Variants in NOTCH2 observed in about 807,000 individuals in gnomAD.
NOTCH2 encodes notch receptor 2, also known as neurogenic locus notch homolog protein 2.
A neutral mutation model predicts 235.8 loss-of-function variants in NOTCH2; 29 were observed. That is an observed-to-expected ratio of 0.12 (90% confidence interval 0.09 to 0.17). NOTCH2 has a LOEUF of 0.17. NOTCH2 is among the 10% of genes least tolerant of loss of function. NOTCH2 has a pLI of 1.00. For missense variants in NOTCH2, 2,285 were observed against 3,150.2 expected (o/e 0.73, Z 6.57); for synonymous variants, 1,086 against 1,141.5 (o/e 0.95, Z 0.98).
Position 119,925,546 on chromosome 1 carries a change from T to C in NOTCH2, c.4270A>G (p.Thr1424Ala), listed in dbSNP as rs760325217. 5.4e-5 allele frequency: 87 copies of C among 1,613,820 alleles called. No individual in the cohort carries two copies. Among genetic ancestry groups the C allele is most frequent in the Non-Finnish European group, 7.0e-5 (83 of 1,179,984 alleles). The change falls in exon 25 of 34, where the codon ACC becomes GCC. Residue 1424 changes from threonine to alanine, a missense_variant. Around this residue, in one of 6 missense-constraint regions of NOTCH2, gnomAD observed 1,173 missense variants for 1,515.3 expected, o/e 0.77. Coordinates refer to ENST00000256646, the MANE Select transcript of NOTCH2 (RefSeq NM_024408.4). ...YTAPPSTPPA[T>A]CLSQYCADKA... ...TCGGCACAATACTGGCTCAGACAGG[T>C]GGCAGGAGGGGTGCTGGGGGGTGCC...
chr1:119,966,690 G>T (rs1553199714), intron 8 of NOTCH2, among the ~76,000 whole-genome samples: 2 of 152,140 alleles, frequency 1.3e-5, no homozygotes, highest in Non-Finnish European at 2.9e-5. Context: ...CCATGTCACT[G>T]TGAAAAGCGG....
intron 13 of NOTCH2, among the ~76,000 whole-genome samples, chr1:119,954,284 G>C (rs1461490699): frequency 1.3e-5 from 2 of 152,206 alleles, no homozygotes; most frequent in Admixed American, 1.3e-4. Flanking sequence ...GGAAATGATA[G>C]CTTTCTTATC....
At chr1:119,937,501 G>T (rs782427977) in intron 20 of NOTCH2, 35 bp from the exon 21 acceptor site, 4 of 1,592,404 alleles carry the variant, frequency 2.5e-6, no homozygotes, top group Non-Finnish European at 3.4e-6. Flanking sequence ...TGTCATAGAA[G>T]AACATGTGAC....
intron 18 of NOTCH2, among the ~76,000 whole-genome samples, 199 bp from the exon 19 acceptor site, chr1:119,940,955 A>C (rs1255807496): frequency 6.6e-6 from 1 of 152,236 alleles, no homozygotes; most frequent in Non-Finnish European, 1.5e-5. Flanking sequence ...AAGGCTTAGA[A>C]GTATTTAAAA....
At chr1:119,972,931 T>A (rs17024593) in intron 5 of NOTCH2, among the ~76,000 whole-genome samples, 7,309 of 152,194 alleles carry the variant, frequency 0.048, 280 homozygotes, top group South Asian at 0.11. Context: ...AGGTGAGGAC[T>A]CAAATCATGA....
At chr1:120,006,792 G>A (rs1652994195) in intron 2 of NOTCH2, among the ~76,000 whole-genome samples, 1 of 152,072 alleles carries the variant, frequency 6.6e-6, no homozygotes, top group African/African-American at 2.4e-5. Flanking sequence ...TTGTTGTCCT[G>A]ATTTTCCTAA....
At chr1:119,948,949 A>C in intron 16 of NOTCH2, 58 bp downstream of exon 16, 1 of 1,611,128 alleles carries the variant, frequency 6.2e-7, no homozygotes, top group Non-Finnish European at 8.5e-7. Flanking sequence ...TGATAACCTG[A>C]CCACTTTGTT....
Position 119,945,081 on chromosome 1 carries a change from C to T in NOTCH2, c.2753-3327G>A, listed in dbSNP as rs587727121. 3.9e-5 allele frequency among the ~76,000 whole-genome samples: 6 copies of T among 151,928 alleles called. No homozygotes were observed. In the South Asian group the frequency reaches 1.2e-3, roughly 32 times the overall value. ...TTTTATAACAACAATAGAAGAGAGGCCAGGAGGAATGTAAATGTGAGTGTA... is the reference window on the plus strand; with the variant it reads ...TTTTATAACAACAATAGAAGAGAGGTCAGGAGGAATGTAAATGTGAGTGTA... On this transcript the variant is annotated intron_variant, in intron 17 of 33. Coordinates refer to ENST00000256646, the MANE Select transcript of NOTCH2 (RefSeq NM_024408.4).
At chr1:119,985,852 G>A (rs897333558) in intron 5 of NOTCH2, among the ~76,000 whole-genome samples, 25 of 151,158 alleles carry the variant, frequency 1.7e-4, no homozygotes, top group Non-Finnish European at 3.7e-4. Context: ...CTAGGATCAA[G>A]ACACCATGAA....
rs782423701 is a variant in NOTCH2 at position 119,940,711 on chromosome 1, G to A, written c.3027C>T (p.Phe1009=). The A allele has an allele frequency of 1.1e-5, 18 of 1,614,088 alleles. No homozygotes were observed. The highest frequency in any genetic ancestry group is 1.4e-5 in the Non-Finnish European group (17 of 1,180,052). ...GGTCVDGINS[F]SCLCPVGFTG... is the part of the protein sequence containing the mutation. ...TGAAACCCACAGGGCACAAGCAAGA[G>A]AAGGAGTTAATCCCATCAACACATG... Residue 1009 remains phenylalanine (F), a synonymous_variant, in exon 19 of 34, where the codon TTC becomes TTT. Coordinates refer to ENST00000256646, the MANE Select transcript of NOTCH2 (RefSeq NM_024408.4).
At chr1:119,966,594 C>A in intron 8 of NOTCH2, 105 bp from the exon 9 acceptor site, 1 of 804,860 alleles carries the variant, frequency 1.2e-6, no homozygotes. Context: ...CGAGTACACA[C>A]ATTTCTGCAG....
intron 17 of NOTCH2, among the ~76,000 whole-genome samples, chr1:119,946,296 T>C (rs1650252570): frequency 6.6e-6 from 1 of 152,110 alleles, no homozygotes; most frequent in African/African-American, 2.4e-5. Flanking sequence ...AAACACTTCC[T>C]GATATGTTCT....
chr1:119,958,129 C>T (rs1650780283), intron 12 of NOTCH2, among the ~76,000 whole-genome samples: 1 of 152,178 alleles, frequency 6.6e-6, no homozygotes, highest in Non-Finnish European at 1.5e-5. Flanking sequence ...CAACAATGTA[C>T]CTATTATCCT....
At chr1:119,985,015 G>A (rs1306397969) in intron 5 of NOTCH2, among the ~76,000 whole-genome samples, 2 of 152,172 alleles carry the variant, frequency 1.3e-5, no homozygotes, top group African/African-American at 4.8e-5. Flanking sequence ...GACACAGGAT[G>A]TGAAGCACTA....
chr1:119,982,890 G>A (rs1453760723), intron 5 of NOTCH2, among the ~76,000 whole-genome samples: 2 of 152,216 alleles, frequency 1.3e-5, no homozygotes, highest in Non-Finnish European at 2.9e-5. Flanking sequence ...CTGCCCACAG[G>A]CCATGGGGAA....
rs1648937679 is a variant in NOTCH2, at chr1:119,912,914, T to C, written c.*2392A>G. 1 of 233,474 alleles carries C rather than the reference T, an allele frequency of 4.3e-6. No individual in the cohort carries two copies. The highest frequency in any genetic ancestry group is 8.5e-6 in the Non-Finnish European group (1 of 118,002). The allele number at this position is 233,474 out of a possible 1,614,324, so 14.5% of individuals were successfully genotyped here. On this transcript the variant is annotated 3_prime_UTR_variant, in exon 34 of 34. Transcript: ENST00000256646. ...ATTCCCTTTCTCCAAACCCAAAGGA[T>C]CCAAATTAAAGTAGTCCAAGAAAAA...
chr1:119,949,158 TAAAC>T (rs782687605), intron 15 of NOTCH2, 32 bp from the exon 16 acceptor site: 1 of 1,614,038 alleles, frequency 6.2e-7, no homozygotes, highest in East Asian at 2.2e-5. Context: ...TTATGACAGA[TAAAC>T]AGGTAAGAAA....
intron 17 of NOTCH2, among the ~76,000 whole-genome samples, chr1:119,942,368 A>G (rs1034447140): frequency 6.6e-6 from 1 of 152,262 alleles, no homozygotes; most frequent in Non-Finnish European, 1.5e-5. Flanking sequence ...CATACAAATC[A>G]GAACAAGAAA....
intron 1 of NOTCH2, among the ~76,000 whole-genome samples, chr1:120,048,934 CTAA>C (rs1379375375): frequency 8.0e-6 from 1 of 124,510 alleles, no homozygotes; most frequent in Non-Finnish European, 1.7e-5. Context: ...ATAGTGATGA[CTAA>C]TAACATCAAT....
Sources: allele counts gnomAD v4.1 joint callset (sites outside exome capture counted in the v4.1 genomes callset), GRCh38; gene constraint gnomAD v4.1.1; regional missense constraint gnomAD v4.1.1; transcripts MANE v1.5; gene names NCBI Gene and HGNC (gene_info 2026-07-23, HGNC 2026-07-21).